Variants in CNOT6 observed in about 807,000 individuals in gnomAD.
CNOT6 encodes carbon catabolite repression 4 protein.
In CNOT6, 12 loss-of-function variants were observed where a neutral mutation model predicts 61.2. The ratio of observed to expected loss-of-function variants is 0.20; its 90% CI spans 0.13 to 0.32. The LOEUF (loss-of-function observed/expected upper bound fraction) is 0.32. Among genes scored for constraint, CNOT6 ranks in the 10% least tolerant of loss-of-function variants. CNOT6 has a pLI of 1.00. For missense variants in CNOT6, 405 were observed against 663.9 expected, an observed-to-expected ratio of 0.61 and a Z score of 4.28; for synonymous variants, 225 against 240.6, an observed-to-expected ratio of 0.94 and a Z score of 0.60.
At chr5:180,536,660 T>C (rs1041928397) in intron 2 of CNOT6, among the ~76,000 whole-genome samples, 2 of 151,970 alleles carry the variant, frequency 1.3e-5, no homozygotes, top group Non-Finnish European at 2.9e-5. Context: ...ACCCAGGCTG[T>C]AGTGCAGTGA....
At chr5:180,503,601 CTTTTTTT>C (rs56187510) in intron 1 of CNOT6, among the ~76,000 whole-genome samples, 41 of 66,136 alleles carry the variant, frequency 6.2e-4, no homozygotes, top group African/African-American at 2.2e-3. Flanking sequence ...GCCCTACTTC[CTTTTTTT>C]TTTTTTTTTT....
rs376617985 is a variant in CNOT6 at position 180,577,742 on chromosome 5, A to G, written c.*3542A>G. ...CAAAACCCAGCACATTATCTGCACT[A>G]TAAGCTCAAAGAATGTCACATCCGC... is the stretch of plus-strand genomic sequence containing the variant. On this transcript the variant is annotated 3_prime_UTR_variant, in exon 12 of 12. Coordinates refer to ENST00000261951, the MANE Select transcript of CNOT6 (RefSeq NM_001370472.1). 1 of 152,682 alleles carries G rather than the reference A, an allele frequency of 6.5e-6. No homozygotes were observed. 9.5% of individuals were successfully genotyped at this position (152,682 alleles called of 1,614,324 possible).
chr5:180,513,677 ATTTATTTATTTATTTATTTATT>A lies in CNOT6; in HGVS notation c.-2-15578_-2-15557del, dbSNP rs1356723348. On this transcript the variant is annotated intron_variant, in intron 1 of 11. Coordinates refer to ENST00000261951, the MANE Select transcript of CNOT6 (RefSeq NM_001370472.1). The stretch of plus-strand genomic sequence containing the variant: ...ATGAGCTACCATGCCTGGCCCTTTT[ATTTATTTATTTATTTATTTATT>A]TTTATTTATTTATTTATTTTTGAGA... 1.4e-3 allele frequency among the ~76,000 whole-genome samples: 104 copies of A among 76,464 alleles called. No individual in the cohort carries two copies. In the South Asian group the frequency reaches 0.015, roughly 11 times the overall value. The allele number at this position is 76,464 out of a possible 152,430, so 50.2% of individuals were successfully genotyped here.
chr5:180,497,798 C>T (rs1394920730), intron 1 of CNOT6, among the ~76,000 whole-genome samples: 1 of 152,078 alleles, frequency 6.6e-6, no homozygotes, highest in African/African-American at 2.4e-5. Context: ...AATCCCAGCA[C>T]TTTGGGAGGC....
At chr5:180,525,827 G>A (rs1758075077) in intron 1 of CNOT6, among the ~76,000 whole-genome samples, 1 of 152,118 alleles carries the variant, frequency 6.6e-6, no homozygotes, top group African/African-American at 2.4e-5. Flanking sequence ...CTAGGCGGGG[G>A]CGATCATCTA....
intron 2 of CNOT6, among the ~76,000 whole-genome samples, chr5:180,529,861 A>G (rs1218512131): frequency 6.6e-6 from 1 of 152,224 alleles, no homozygotes; most frequent in Non-Finnish European, 1.5e-5. Flanking sequence ...TGAGTCACTG[A>G]GGACAGCCTT....
intron 2 of CNOT6, among the ~76,000 whole-genome samples, chr5:180,532,540 TC>T (rs1371224352): frequency 6.6e-6 from 1 of 152,130 alleles, no homozygotes; most frequent in Non-Finnish European, 1.5e-5. Flanking sequence ...ACCACAGTCA[TC>T]AACACAAAAG....
intron 11 of CNOT6, 61 bp from the exon 12 acceptor site, chr5:180,573,927 A>G (rs1201656526): frequency 2.7e-6 from 3 of 1,129,676 alleles, no homozygotes; most frequent in South Asian, 1.3e-5. Context: ...ATGTCTTGAA[A>G]GCACTGAGGA....
intron 2 of CNOT6, among the ~76,000 whole-genome samples, chr5:180,532,002 C>G (rs1206108714): frequency 6.6e-6 from 1 of 152,156 alleles, no homozygotes; most frequent in Non-Finnish European, 1.5e-5. Context: ...GGAGAGGGAC[C>G]CCTCTTCTGA....
At position 180,569,356 on chromosome 5, in the gene CNOT6, G is replaced by A. The variant is rs746878182; in HGVS notation, c.1258+16G>A. The stretch of plus-strand genomic sequence containing the variant: ...CCAGACTCTGGTAAGAAAATAATGT[G>A]ATTTTATGTAGAATATTTTTTGACA... On this transcript the variant is annotated intron_variant, in intron 10 of 11. Transcript: ENST00000261951. 7.3e-6 allele frequency: 11 copies of A among 1,505,252 alleles called. No homozygotes were observed. In the South Asian group the frequency reaches 1.3e-4, roughly 17 times the overall value. The allele number at this position is 1,505,252 out of a possible 1,614,324, so 93.2% of individuals were successfully genotyped here. A position where few individuals can be genotyped will look rare whatever the true frequency, so the allele number is the denominator to read the frequency against.
At position 180,577,135 on chromosome 5, in the gene CNOT6, C is replaced by T. The variant is rs1477451636; in HGVS notation, c.*2935C>T. The T allele has an allele frequency of 6.8e-6, 1 of 147,824 alleles. No individual in the cohort carries two copies. The highest frequency in any genetic ancestry group is 1.5e-5 in the Non-Finnish European group (1 of 66,712). 9.2% of individuals were successfully genotyped at this position (147,824 alleles called of 1,614,324 possible). A position where few individuals can be genotyped will look rare whatever the true frequency, so the allele number is the denominator to read the frequency against. Reference sequence around the variant, plus strand: ...TTGTTGAGTGCAACTTTCATAGTCCCAAAGATAGGCAGAGAACATCTCCAG... The same window carrying T: ...TTGTTGAGTGCAACTTTCATAGTCCTAAAGATAGGCAGAGAACATCTCCAG... On this transcript the variant is annotated 3_prime_UTR_variant, in exon 12 of 12. Coordinates refer to ENST00000261951, the MANE Select transcript of CNOT6 (RefSeq NM_001370472.1).
intron 6 of CNOT6, among the ~76,000 whole-genome samples, chr5:180,565,590 C>T (rs1760409459): frequency 6.6e-6 from 1 of 152,134 alleles, no homozygotes. Flanking sequence ...ACCTTCTGTG[C>T]CTACCTCTGT....
At chr5:180,514,646 T>G (rs34294053) in intron 1 of CNOT6, among the ~76,000 whole-genome samples, 1 of 151,930 alleles carries the variant, frequency 6.6e-6, no homozygotes, top group African/African-American at 2.4e-5. Context: ...GTGCATGGTT[T>G]TGAGGTTTTT....
intron 4 of CNOT6, among the ~76,000 whole-genome samples, chr5:180,554,324 A>G (rs1180889887): frequency 6.6e-6 from 1 of 152,036 alleles, no homozygotes; most frequent in African/African-American, 2.4e-5. Context: ...AGGCTGAGGC[A>G]TGAGACTTGC....
intron 2 of CNOT6, among the ~76,000 whole-genome samples, chr5:180,545,483 T>C (rs1332316596): frequency 6.6e-6 from 1 of 152,222 alleles, no homozygotes; most frequent in Non-Finnish European, 1.5e-5. Flanking sequence ...TTTTTGGTGA[T>C]TTTGGTCTGC....
chr5:180,503,729 C>G (rs1756997726), intron 1 of CNOT6, among the ~76,000 whole-genome samples: 1 of 151,652 alleles, frequency 6.6e-6, no homozygotes, highest in South Asian at 2.1e-4. Flanking sequence ...CCTCAGCCTC[C>G]CGAGTAGCTG....
At chr5:180,570,513 T>A (rs1470913433) in intron 10 of CNOT6, among the ~76,000 whole-genome samples, 1 of 152,236 alleles carries the variant, frequency 6.6e-6, no homozygotes, top group Non-Finnish European at 1.5e-5. Context: ...TCTCTGACAA[T>A]TTCTCTACAT....
intron 1 of CNOT6, among the ~76,000 whole-genome samples, chr5:180,521,542 T>C (rs1757878837): frequency 2.6e-5 from 4 of 152,198 alleles, no homozygotes; most frequent in Admixed American, 2.6e-4. Flanking sequence ...ACTTACAGAC[T>C]GAGTAATTAC....
chr5:180,567,083 T>C lies in CNOT6; in HGVS notation c.718-5T>C, dbSNP rs771785928. On this transcript the variant is annotated splice_polypyrimidine_tract_variant and splice_region_variant and intron_variant, in intron 7 of 11. Coordinates refer to ENST00000261951, the MANE Select transcript of CNOT6 (RefSeq NM_001370472.1). ...GAAATAACTGTGCTGTTTACAACTT[T>C]TCAGGAGGTTGAAACGGAACAGTAT... 30 of 1,599,860 alleles carry C rather than the reference T, an allele frequency of 1.9e-5. 1 individual carries two copies. Among genetic ancestry groups the C allele is most frequent in the Non-Finnish European group, 2.5e-5 (29 of 1,176,398 alleles).
Sources: gnomAD v4.1 joint callset for allele counts (sites outside exome capture counted in the v4.1 genomes callset) on GRCh38, gnomAD v4.1.1 for gene constraint, MANE v1.5 for transcripts, NCBI Gene and HGNC (gene_info 2026-07-23, HGNC 2026-07-21) for gene names.